CYTH2: variants seen among roughly 807,000 people sequenced by gnomAD.
CYTH2 encodes the protein cytohesin-2.
Under a neutral mutation model 55.4 loss-of-function variants are expected in CYTH2, and 24 were observed. That is an observed-to-expected ratio of 0.43 (90% CI 0.31 to 0.61). The LOEUF (loss-of-function observed/expected upper bound fraction) is 0.61, where lower values mean the gene tolerates loss of function less well. Ranked by LOEUF, CYTH2 falls within the 20% of genes least tolerant of loss-of-function variation. The probability of loss-of-function intolerance (pLI) is 0.08; values close to 1 mark genes in which losing one functional copy is unlikely to be tolerated. For missense variants in CYTH2, 378 were observed against 533.5 expected (o/e 0.71, Z 2.87); for synonymous variants, 221 against 209.6 (o/e 1.05, Z -0.47).
Position 48,481,068 on chromosome 19 carries a change from G to C in CYTH2, c.*1858G>C, listed in dbSNP as rs1972037135. 6.5e-6 allele frequency: 1 copy of C among 152,868 alleles called. No homozygotes were observed. Among genetic ancestry groups the C allele is most frequent in the Admixed American group, 6.5e-5 (1 of 15,294 alleles). The allele number at this position is 152,868 out of a possible 1,614,324, so 9.5% of individuals were successfully genotyped here. On this transcript the variant is annotated 3_prime_UTR_variant, in exon 12 of 12. Transcript: ENST00000452733. ...CAGGAGGCAGGGGCCTGACGTGTTTGGATTGAGGTTGCAGGAGGGGCCCCT... is the reference window on the plus strand; with the variant it reads ...CAGGAGGCAGGGGCCTGACGTGTTTCGATTGAGGTTGCAGGAGGGGCCCCT...
Position 48,474,021 on chromosome 19 carries a change from CG to C in CYTH2, c.547+7del. 6.2e-7 allele frequency: 1 copy of C among 1,601,050 alleles called. No individual in the cohort carries two copies. Among genetic ancestry groups the C allele is most frequent in the African/African-American group, 1.3e-5 (1 of 74,368 alleles). On this transcript the variant is annotated splice_donor_5th_base_variant and intron_variant, in intron 6 of 11. Transcript: ENST00000452733. The surrounding 1 kb of genome is among the most constrained non-coding windows in gnomAD (Gnocchi z 4.9). ...CCTGGGGTTTTCCAGTCCACAGGTG[CG>C]GGCCCCAAATCCTGGGTCCTGGGAA...
At chr19:48,472,516 G>T in intron 4 of CYTH2, 73 bp downstream of exon 4, 1 of 1,254,838 alleles carries the variant, frequency 8.0e-7, no homozygotes, top group South Asian at 1.3e-5. Context: ...CCTCACACTG[G>T]CAGCTCACAG....
At chr19:48,472,476 T>TCCCCCCCC in intron 4 of CYTH2, 33 bp downstream of exon 4, 4 of 1,172,184 alleles carry the variant, frequency 3.4e-6, no homozygotes, top group South Asian at 3.7e-5. Context: ...GTGGGGCCCC[T>TCCCCCCCC]CCCTCCCACC....
intron 3 of CYTH2, among the ~76,000 whole-genome samples, chr19:48,471,324 G>A (rs1375933520): frequency 2.0e-5 from 3 of 152,090 alleles, no homozygotes; most frequent in Non-Finnish European, 1.5e-5. Flanking sequence ...GCTAATTTTT[G>A]TATTTTTAGT....
In CYTH2 at chr19:48,474,829, A is replaced by T. The variant is rs754978774; in HGVS notation, c.697-9A>T. On this transcript the variant is annotated splice_polypyrimidine_tract_variant and intron_variant, in intron 7 of 11. Transcript: ENST00000452733. This position sits in a 1 kb window ranked among gnomAD's most constrained non-coding sequence, Gnocchi z 4.9. Reference sequence around the variant, plus strand: ...GGCTCGAATGGCTAATGCAGCCTTTACTCCTCAGAACCTGTACGACAGCAT... The same window carrying T: ...GGCTCGAATGGCTAATGCAGCCTTTTCTCCTCAGAACCTGTACGACAGCAT... 2 of 1,613,498 alleles carry T rather than the reference A, an allele frequency of 1.2e-6. No homozygotes were observed. Among genetic ancestry groups the T allele is most frequent in the Admixed American group, 3.3e-5 (2 of 59,958 alleles).
intron 5 of CYTH2, 130 bp from the exon 6 acceptor site, chr19:48,473,775 C>T: frequency 4.3e-6 from 3 of 705,600 alleles, no homozygotes. Context: ...GATCATGTGA[C>T]CATACCTGAA....
chr19:48,474,211 A>G lies in CYTH2; in HGVS notation c.577A>G (p.Ile193Val), dbSNP rs368995401. Residue 193 changes from isoleucine to valine, a missense_variant, in exon 7 of 12, where the codon ATC (isoleucine) becomes GTC (valine). Physicochemically the swap from Ile to Val is conservative, Grantham distance 29. Transcript: ENST00000452733. This position sits in a 1 kb window ranked among gnomAD's most constrained non-coding sequence, Gnocchi z 4.9. ...GTGCTATGTGCTGTCCTTCGCCGTC[A>G]TCATGCTCAACACCAGTCTCCACAA... Reference protein sequence around the residue: ...DTCYVLSFAVIMLNTSLHNPN... With the variant: ...DTCYVLSFAVVMLNTSLHNPN... 11 of 1,609,698 alleles carry G rather than the reference A, an allele frequency of 6.8e-6. No individual in the cohort carries two copies. The highest frequency in any genetic ancestry group is 1.7e-5 in the Admixed American group (1 of 59,370).
intron 8 of CYTH2, chr19:48,476,049 C>A (rs889706827): frequency 1.9e-6 from 1 of 518,554 alleles, no homozygotes; most frequent in Non-Finnish European, 3.9e-6. Context: ...GCAGCTTTGG[C>A]CTCTGAGTCT....
rs1481750376 is a variant in CYTH2 at position 48,474,007 on chromosome 19, C to G, written c.537C>G (p.Phe179Leu). ...ACTGCCTGTGCAACCCTGGGGTTTT[C>G]CAGTCCACAGGTGCGGGCCCCAAAT... ...QRYCLCNPGV[F>L]QSTDTCYVLS... Residue 179 changes from phenylalanine to leucine, a missense_variant, in exon 6 of 12, where the codon TTC becomes TTG. By Grantham distance (22) the Phe-to-Leu change is conservative. Coordinates refer to ENST00000452733, the MANE Select transcript of CYTH2 (RefSeq NM_004228.7). The surrounding 1 kb of genome is among the most constrained non-coding windows in gnomAD (Gnocchi z 4.9). The G allele has an allele frequency of 1.2e-6, 2 of 1,610,272 alleles. No individual in the cohort carries two copies. Among genetic ancestry groups the G allele is most frequent in the African/African-American group, 1.3e-5 (1 of 74,714 alleles).
rs1313765826 is a variant in CYTH2, at chr19:48,470,438, C to T, written c.105C>T (p.Arg35=). 3.7e-6 allele frequency: 6 copies of T among 1,613,978 alleles called. No individual in the cohort carries two copies. Among genetic ancestry groups the T allele is most frequent in the African/African-American group, 1.3e-5 (1 of 74,936 alleles). The part of the protein sequence containing the change: ...RKQELLVEIQ[R]LREELSEAMS... ...AGGAGCTGCTGGTGGAGATTCAGCG[C>T]CTGCGGGAGGAGCTCAGTGAAGCCA... The change falls in exon 2 of 12, where the codon CGC becomes CGT. Residue 35 remains arginine (R), a synonymous_variant. Transcript: ENST00000452733.
rs1210558008 is a variant in CYTH2 at position 48,478,157 on chromosome 19, C to G, written c.885+12C>G. 6.2e-7 allele frequency: 1 copy of G among 1,613,630 alleles called. No individual in the cohort carries two copies. Among genetic ancestry groups the G allele is most frequent in the Admixed American group, 1.7e-5 (1 of 60,004 alleles). On this transcript the variant is annotated intron_variant, in intron 9 of 11. Transcript: ENST00000452733. ...TTGAGTACACCACGGTGAGCGTGAC[C>G]CGACCCGGGCTCTGGGGTCCTGGGC...
chr19:48,478,190 C>T (rs754201196), intron 9 of CYTH2, 45 bp downstream of exon 9: 8 of 1,612,272 alleles, frequency 5.0e-6, no homozygotes, highest in Admixed American at 3.3e-5. Context: ...GGCGGAGTGG[C>T]TGGGAGCCTG....
In CYTH2 at chr19:48,481,497, TTTTTTG is replaced by T. The variant is rs1442936614; in HGVS notation, c.*2293_*2298del. ...CTTCTGATTTTTTTTGTAGGTTTTT[TTTTTTG>T]TTTTTTGTTTTGTTTTGTTTTGTTT... is the stretch of plus-strand genomic sequence containing the variant. On this transcript the variant is annotated 3_prime_UTR_variant, in exon 12 of 12. Transcript: ENST00000452733. 16 of 186,490 alleles carry T rather than the reference TTTTTTG, an allele frequency of 8.6e-5. No individual in the cohort carries two copies. The East Asian group carries it at 1.3e-3, about 15-fold the overall frequency. The allele number at this position is 186,490 out of a possible 1,614,324, so 11.6% of individuals were successfully genotyped here.
intron 5 of CYTH2, chr19:48,473,692 G>C (rs79232596): frequency 3.3e-6 from 2 of 599,286 alleles, no homozygotes; most frequent in Non-Finnish European, 5.9e-6. Flanking sequence ...CCTGTCTAGC[G>C]AACTTAGCAG....
chr19:48,473,530 C>T, intron 5 of CYTH2, 152 bp downstream of exon 5: 2 of 749,868 alleles, frequency 2.7e-6, no homozygotes, highest in Non-Finnish European at 4.4e-6. Context: ...CATAAAAGTT[C>T]AGGGTTATGG....
In CYTH2 at chr19:48,478,103, T is replaced by C; in HGVS notation, c.843T>C (p.Phe281=). The change falls in exon 9 of 12, where the codon TTT becomes TTC. Residue 281 remains phenylalanine, a synonymous_variant. Transcript: ENST00000452733. ...TGAAGACGTGGAAGCGGCGCTGGTT[T>C]ATCCTCACAGACAACTGCCTCTACT... is the stretch of plus-strand genomic sequence containing the variant. The part of the protein sequence containing the change: ...GRVKTWKRRW[F]ILTDNCLYYF... 1 of 1,614,124 alleles carries C rather than the reference T, an allele frequency of 6.2e-7. No homozygotes were observed. Among genetic ancestry groups the C allele is most frequent in the East Asian group, 2.2e-5 (1 of 44,876 alleles).
rs1231797365 is a variant in CYTH2, at chr19:48,473,994, A to T, written c.524A>T (p.Asn175Ile). The T allele has an allele frequency of 6.2e-7, 1 of 1,612,604 alleles. No individual in the cohort carries two copies. Among genetic ancestry groups the T allele is most frequent in the Non-Finnish European group, 8.5e-7 (1 of 1,179,398 alleles). The change falls in exon 6 of 12, where the codon AAC becomes ATC. Residue 175 changes from asparagine (N) to isoleucine (I), a missense_variant. Transcript: ENST00000452733. ...EAFAQRYCLC[N>I]PGVFQSTDTC... The stretch of plus-strand genomic sequence containing the variant: ...TTCGCCCAGCGATACTGCCTGTGCA[A>T]CCCTGGGGTTTTCCAGTCCACAGGT...
intron 4 of CYTH2, chr19:48,473,096 C>G (rs1417951986): frequency 3.4e-6 from 2 of 584,950 alleles, no homozygotes; most frequent in Non-Finnish European, 6.1e-6. Flanking sequence ...GGTTCCCAAG[C>G]CAGATATTCC....
chr19:48,477,277 T>C (rs28541882), intron 8 of CYTH2: 17,376 of 152,470 alleles, frequency 0.11, 2,313 homozygotes, highest in African/African-American at 0.32. Context: ...AGATGGGCCC[T>C]CACACCCACC....
Sources: allele counts gnomAD v4.1 joint callset (sites outside exome capture counted in the v4.1 genomes callset), GRCh38; gene constraint gnomAD v4.1.1; non-coding constraint Gnocchi (gnomAD v3.1); transcripts MANE v1.5; gene names NCBI Gene and HGNC (gene_info 2026-07-23, HGNC 2026-07-21).